Variants in ZNF385D observed in about 807,000 individuals in gnomAD.
ZNF385D encodes zinc finger protein 385D.
Under a neutral mutation model 35.8 loss-of-function variants are expected in ZNF385D, and 15 were observed. The observed-to-expected ratio is 0.42, with a 90% CI of 0.28 to 0.64. ZNF385D has a LOEUF of 0.64. Ranked by LOEUF, ZNF385D falls within the 30% of genes least tolerant of loss-of-function variation. The pLI is 0.23. For synonymous variants in ZNF385D, 212 were observed against 186.8 expected (o/e 1.13, Z -1.10); for missense variants, 474 against 494.6 (o/e 0.96, Z 0.39).
intron 2 of ZNF385D, among the ~76,000 whole-genome samples, chr3:22,207,481 A>C (rs1697232577): frequency 6.6e-6 from 1 of 152,022 alleles, no homozygotes; most frequent in Non-Finnish European, 1.5e-5. Context: ...TCAAACCATG[A>C]AACTACTATA....
At position 21,992,821 on chromosome 3, in the gene ZNF385D, T is replaced by C. The variant is rs373471058; in HGVS notation, c.325+175996A>G. ...TATGTTGTTTCTAGTCCCTCAGATA[T>C]TTTGAATTATTTGCAATAAAAATCT... On this transcript the variant is annotated intron_variant, in intron 3 of 5. Transcript: ENST00000494108. 3.5e-4 allele frequency among the ~76,000 whole-genome samples: 53 copies of C among 152,318 alleles called. 1 individual carries two copies. The South Asian group carries it at 0.011, about 31-fold the overall frequency.
chr3:22,079,932 A>T (rs1224517379), intron 3 of ZNF385D, among the ~76,000 whole-genome samples: 1 of 151,996 alleles, frequency 6.6e-6, no homozygotes, highest in East Asian at 1.9e-4. Flanking sequence ...GTACATATAT[A>T]CATATGTATA....
intron 3 of ZNF385D, among the ~76,000 whole-genome samples, chr3:21,835,627 G>C (rs1056306387): frequency 6.6e-6 from 1 of 151,986 alleles, no homozygotes; most frequent in Non-Finnish European, 1.5e-5. Flanking sequence ...AATGGAGAAA[G>C]AGGCATGTAG....
intron 2 of ZNF385D, among the ~76,000 whole-genome samples, chr3:22,256,938 T>G (rs1189236570): frequency 6.6e-6 from 1 of 151,732 alleles, no homozygotes; most frequent in East Asian, 1.9e-4. Flanking sequence ...AGATAGAAAA[T>G]TTTTTTCAGG....
chr3:22,234,359 G>A (rs1699059257), intron 2 of ZNF385D, among the ~76,000 whole-genome samples: 1 of 152,074 alleles, frequency 6.6e-6, no homozygotes, highest in East Asian at 1.9e-4. Flanking sequence ...GCTTTTTGAA[G>A]ACACTTCCAA....
At chr3:22,361,570 C>T (rs772874587) in intron 2 of ZNF385D, among the ~76,000 whole-genome samples, 14 of 152,012 alleles carry the variant, frequency 9.2e-5, no homozygotes, top group Non-Finnish European at 1.9e-4. Flanking sequence ...TTAGTGCTCC[C>T]TTAATACTGT....
In ZNF385D at chr3:21,578,869, A is replaced by C. The variant is rs1386935233; in HGVS notation, c.166-14185T>G. On this transcript the variant is annotated intron_variant, in intron 2 of 7. Coordinates refer to ENST00000281523, the MANE Select transcript of ZNF385D (RefSeq NM_024697.3). The stretch of plus-strand genomic sequence containing the variant: ...GGATTTTTTTCTATTTCCATGAAAA[A>C]TATCATTGGTATTTTGATAAGGATT... Among the ~76,000 whole-genome samples, 4 of 152,224 alleles carry C rather than the reference A, an allele frequency of 2.6e-5. No homozygotes were observed. In the South Asian group the frequency reaches 6.2e-4, roughly 24 times the overall value.
chr3:22,178,713 A>T lies in ZNF385D; in HGVS notation c.107-9678T>A, dbSNP rs187919375. The stretch of plus-strand genomic sequence containing the variant: ...AGGTTTTCTTCTAGGGTTTTTATGG[A>T]TTTAGGTCTAACATGTAAGTCTTTA... On this transcript the variant is annotated intron_variant, in intron 2 of 5. Coordinates refer to the ZNF385D transcript ENST00000494108. Among the ~76,000 whole-genome samples the T allele has an allele frequency of 9.3e-4, 141 of 152,138 alleles. 1 individual carries two copies. The highest frequency in any genetic ancestry group is 3.2e-3 in the African/African-American group (132 of 41,522).
At chr3:21,994,340 A>G (rs927596653) in intron 3 of ZNF385D, among the ~76,000 whole-genome samples, 3 of 152,196 alleles carry the variant, frequency 2.0e-5, no homozygotes, top group Non-Finnish European at 2.9e-5. Flanking sequence ...TATCTATTGT[A>G]CTTGTTAATT....
At chr3:21,537,322 G>A (rs2062060583) in intron 3 of ZNF385D, among the ~76,000 whole-genome samples, 1 of 151,204 alleles carries the variant, frequency 6.6e-6, no homozygotes, top group African/African-American at 2.4e-5. Context: ...TAGTAGAGAC[G>A]GGGTTTTATC....
rs375038417 is a variant in ZNF385D, at chr3:21,734,498, T to C, written c.22+16397A>G. ...TTTCAAAGACAGAAGAGACTAACAG[T>C]GAATAAAAATGAGCGTTTACATTTT... On this transcript the variant is annotated intron_variant, in intron 1 of 7. Transcript: ENST00000281523. Among the ~76,000 whole-genome samples, 66 of 151,506 alleles carry C rather than the reference T, an allele frequency of 4.4e-4. No homozygotes were observed. In the South Asian group the frequency reaches 6.0e-3, roughly 14 times the overall value.
chr3:22,325,795 T>C (rs373086718), intron 2 of ZNF385D, among the ~76,000 whole-genome samples: 6 of 152,134 alleles, frequency 3.9e-5, no homozygotes, highest in African/African-American at 1.4e-4. Flanking sequence ...CCATCTTTCC[T>C]TCTCTTTGGG....
At chr3:21,963,791 T>C (rs1292158860) in intron 3 of ZNF385D, among the ~76,000 whole-genome samples, 2 of 152,160 alleles carry the variant, frequency 1.3e-5, no homozygotes, top group Non-Finnish European at 2.9e-5. Flanking sequence ...ATGCCCAGAA[T>C]TCTAGAGATA....
At chr3:22,021,230 C>T (rs1697207813) in intron 3 of ZNF385D, among the ~76,000 whole-genome samples, 1 of 151,792 alleles carries the variant, frequency 6.6e-6, no homozygotes, top group African/African-American at 2.4e-5. Context: ...CAAAATAGTA[C>T]TTGTACCTGA....
intron 3 of ZNF385D, among the ~76,000 whole-genome samples, chr3:22,123,278 G>C (rs1033141574): frequency 4.6e-5 from 7 of 151,336 alleles, no homozygotes; most frequent in African/African-American, 1.2e-4. Flanking sequence ...AAGTTCAAGA[G>C]TACAGTTTTA....
At chr3:22,193,595 T>C (rs766377085) in intron 2 of ZNF385D, among the ~76,000 whole-genome samples, 7 of 152,048 alleles carry the variant, frequency 4.6e-5, no homozygotes, top group African/African-American at 7.2e-5. Context: ...TTATGTGCAG[T>C]TTTTCTAATC....
intron 2 of ZNF385D, among the ~76,000 whole-genome samples, chr3:22,229,174 T>C (rs1390685037): frequency 6.6e-6 from 1 of 152,236 alleles, no homozygotes; most frequent in Non-Finnish European, 1.5e-5. Context: ...CTTTCTCCTC[T>C]GACTCCATTT....
chr3:21,536,832 G>A (rs571317741), intron 3 of ZNF385D, among the ~76,000 whole-genome samples: 24 of 152,090 alleles, frequency 1.6e-4, no homozygotes, highest in East Asian at 1.4e-3. Flanking sequence ...AAGAGATGAC[G>A]ACACTTGAGT....
At chr3:21,842,453 C>T (rs1002589410) in intron 3 of ZNF385D, among the ~76,000 whole-genome samples, 1 of 151,924 alleles carries the variant, frequency 6.6e-6, no homozygotes. Context: ...GAATTTGACT[C>T]ATATGTGAAA....
Sources: gnomAD v4.1 joint callset for allele counts (sites outside exome capture counted in the v4.1 genomes callset) on GRCh38, gnomAD v4.1.1 for gene constraint, MANE v1.5 for transcripts, NCBI Gene and HGNC (gene_info 2026-07-23, HGNC 2026-07-21) for gene names.